The following FBXO33 variants were observed in gnomAD, a reference collection of about 807,000 sequenced individuals.
The protein encoded by FBXO33 is F-box only protein 33.
FBXO33 carries 22 observed loss-of-function variants against 46.3 expected under a neutral mutation model. The ratio of observed to expected loss-of-function variants is 0.48; its 90% CI spans 0.34 to 0.68. The LOEUF (loss-of-function observed/expected upper bound fraction) is 0.68. Among genes scored for constraint, FBXO33 ranks in the 30% least tolerant of loss-of-function variants. FBXO33 has a pLI of 0.01. For missense variants in FBXO33, 692 were observed against 708.8 expected, an observed-to-expected ratio of 0.98 and a Z score of 0.27; for synonymous variants, 337 against 291.3, an observed-to-expected ratio of 1.16 and a Z score of -1.60.
chr14:39,420,731 C>A (rs1337266386), intron 1 of FBXO33, among the ~76,000 whole-genome samples: 3 of 151,954 alleles, frequency 2.0e-5, no homozygotes, highest in Admixed American at 2.0e-4. Flanking sequence ...GTAAAATCTT[C>A]AAAAATCTTC....
At chr14:39,424,287 A>G (rs571510454) in intron 1 of FBXO33, among the ~76,000 whole-genome samples, 50 of 152,202 alleles carry the variant, frequency 3.3e-4, no homozygotes, top group Non-Finnish European at 6.3e-4. Context: ...TAAGTCCACC[A>G]TTCCCATCTC....
In FBXO33 at chr14:39,401,627, A is replaced by G; in HGVS notation, c.945T>C (p.Phe315=). 1.2e-6 allele frequency: 2 copies of G among 1,614,172 alleles called. No homozygotes were observed. The highest frequency in any genetic ancestry group is 1.7e-6 in the Non-Finnish European group (2 of 1,180,030). Reference sequence around the variant, plus strand: ...TTGCCATCTCAGCTGTAAAGTCACAAAAATCCAAGGCAAGTGAGTGCAGAT... The same window carrying G: ...TTGCCATCTCAGCTGTAAAGTCACAGAAATCCAAGGCAAGTGAGTGCAGAT... ...FVNLHSLALD[F]CDFTAEMARV... is the part of the protein sequence containing the mutation. Residue 315 remains phenylalanine (F), a synonymous_variant, in exon 3 of 4, where the codon TTT becomes TTC. Coordinates refer to ENST00000298097, the MANE Select transcript of FBXO33 (RefSeq NM_203301.4).
chr14:39,422,326 C>T (rs758512024), intron 1 of FBXO33, among the ~76,000 whole-genome samples: 1 of 152,124 alleles, frequency 6.6e-6, no homozygotes, highest in Non-Finnish European at 1.5e-5. Context: ...TTGCTCATGC[C>T]CTGGTCTAAG....
chr14:39,428,449 C>T (rs1327999565), intron 1 of FBXO33, among the ~76,000 whole-genome samples: 1 of 152,174 alleles, frequency 6.6e-6, no homozygotes, highest in Admixed American at 6.5e-5. Context: ...ATCCACCCGT[C>T]TCGGCCTCCC....
chr14:39,417,138 G>A (rs1270859205), intron 1 of FBXO33, among the ~76,000 whole-genome samples: 1 of 152,190 alleles, frequency 6.6e-6, no homozygotes, highest in Admixed American at 6.5e-5. Context: ...CCCTCCTAAA[G>A]GGAAAGGTTC....
At chr14:39,411,981 T>G (rs2075425437) in intron 1 of FBXO33, among the ~76,000 whole-genome samples, 1 of 152,250 alleles carries the variant, frequency 6.6e-6, no homozygotes, top group Non-Finnish European at 1.5e-5. Context: ...GCCTAACATG[T>G]GATTTATCCT....
At chr14:39,412,098 T>C (rs896376486) in intron 1 of FBXO33, among the ~76,000 whole-genome samples, 1 of 152,222 alleles carries the variant, frequency 6.6e-6, no homozygotes, top group Non-Finnish European at 1.5e-5. Flanking sequence ...TTGGTTAAAA[T>C]CCAGTGTTTC....
chr14:39,423,054 G>A (rs545350182), intron 1 of FBXO33, among the ~76,000 whole-genome samples: 5 of 152,152 alleles, frequency 3.3e-5, no homozygotes, highest in African/African-American at 7.2e-5. Context: ...CCTGGGAAGC[G>A]GAGGTTGCAG....
At chr14:39,403,658 A>C (rs1044559275) in intron 1 of FBXO33, among the ~76,000 whole-genome samples, 2 of 152,342 alleles carry the variant, frequency 1.3e-5, no homozygotes, top group Non-Finnish European at 2.9e-5. Flanking sequence ...AAATAGGAGA[A>C]AACTGGATGA....
At chr14:39,423,809 T>A (rs2075497315) in intron 1 of FBXO33, among the ~76,000 whole-genome samples, 1 of 152,176 alleles carries the variant, frequency 6.6e-6, no homozygotes, top group African/African-American at 2.4e-5. Context: ...CTGTTTCTTT[T>A]TAAAAAGTTA....
chr14:39,431,865 C>T lies in FBXO33; in HGVS notation c.298G>A (p.Glu100Lys), dbSNP rs575062711. The T allele has an allele frequency of 6.3e-7, 1 of 1,585,018 alleles. No individual in the cohort carries two copies. The highest frequency in any genetic ancestry group is 8.5e-7 in the Non-Finnish European group (1 of 1,170,788). Residue 100 changes from glutamate to lysine, a missense_variant, in exon 1 of 4, where the codon GAG becomes AAG. By Grantham distance (56) the Glu-to-Lys change is moderately conservative (BLOSUM62 1). This residue lies in a region of FBXO33 where 412 missense variants were observed against 370.8 expected (regional missense o/e 1.11). Coordinates refer to ENST00000298097, the MANE Select transcript of FBXO33 (RefSeq NM_203301.4). ...CACAGGGCCGGATAGAAGAGGCACT[C>T]ACGCCAGTGCGAGCAGGAGGCCGAG... ...RASASCSHWRECLFYPALWPQ... is the reference protein window; with the variant it reads ...RASASCSHWRKCLFYPALWPQ...
intron 1 of FBXO33, among the ~76,000 whole-genome samples, chr14:39,408,244 C>A (rs1226904130): frequency 6.6e-6 from 1 of 151,994 alleles, no homozygotes; most frequent in African/African-American, 2.4e-5. Flanking sequence ...CATGCCTGAC[C>A]TTAAATTTAT....
At chr14:39,429,439 C>G (rs1304904137) in intron 1 of FBXO33, among the ~76,000 whole-genome samples, 14 of 152,116 alleles carry the variant, frequency 9.2e-5, no homozygotes, top group Admixed American at 9.2e-4. Context: ...CTTTACTAGT[C>G]ACTGATAAAC....
chr14:39,408,994 C>A (rs2139406683), intron 1 of FBXO33, among the ~76,000 whole-genome samples: 1 of 152,148 alleles, frequency 6.6e-6, no homozygotes, highest in Middle Eastern at 3.4e-3. Context: ...CCAGGCTGGT[C>A]TCGAGCTCCT....
intron 1 of FBXO33, 133 bp downstream of exon 1, chr14:39,431,431 C>T (rs2075548869): frequency 4.0e-6 from 6 of 1,485,802 alleles, no homozygotes; most frequent in African/African-American, 1.4e-5. Flanking sequence ...CTAGTTAGAA[C>T]CAACACTCTC....
In FBXO33 at chr14:39,430,410, T is replaced by C. The variant is rs538754005; in HGVS notation, c.599+1154A>G. 2.6e-5 allele frequency among the ~76,000 whole-genome samples: 4 copies of C among 152,334 alleles called. No homozygotes were observed. The South Asian group carries it at 8.3e-4, about 32-fold the overall frequency. ...TAACCTTATATCTATATATATCTCCTAGCATTAAACCAGGGACTGCTCTCA... is the reference window on the plus strand; with the variant it reads ...TAACCTTATATCTATATATATCTCCCAGCATTAAACCAGGGACTGCTCTCA... On this transcript the variant is annotated intron_variant, in intron 1 of 3. Coordinates refer to ENST00000298097, the MANE Select transcript of FBXO33 (RefSeq NM_203301.4).
intron 1 of FBXO33, among the ~76,000 whole-genome samples, chr14:39,419,367 T>A (rs1405239581): frequency 6.6e-6 from 1 of 152,092 alleles, no homozygotes; most frequent in African/African-American, 2.4e-5. Flanking sequence ...ATAAAAAAAA[T>A]GACAACTCAA....
rs117924222 is a variant in FBXO33, at chr14:39,406,231, A to G, written c.600-3720T>C. 5.3e-4 allele frequency among the ~76,000 whole-genome samples: 80 copies of G among 152,328 alleles called. 2 individuals are homozygous for G. In the East Asian group the frequency reaches 0.015, roughly 28 times the overall value. On this transcript the variant is annotated intron_variant, in intron 1 of 3. Transcript: ENST00000298097. ...GAATGGATATTTGGCTTTGGAGAAT[A>G]TAAGGTATTATATAAAGTAGAAAAA...
chr14:39,407,548 G>GA (rs759914222), intron 1 of FBXO33, among the ~76,000 whole-genome samples: 56 of 152,336 alleles, frequency 3.7e-4, no homozygotes, highest in Non-Finnish European at 6.9e-4. Flanking sequence ...GAGTCATGTA[G>GA]TATTTGTCCT....
Sources: allele counts gnomAD v4.1 joint callset (sites outside exome capture counted in the v4.1 genomes callset), GRCh38; gene constraint gnomAD v4.1.1; regional missense constraint gnomAD v4.1.1; transcripts MANE v1.5; gene names NCBI Gene and HGNC (gene_info 2026-07-23, HGNC 2026-07-21).